Variants in ZNF664 observed in about 807,000 individuals in gnomAD.
ZNF664 encodes zinc finger Organ of Corti 1.
Under a neutral mutation model 18.2 loss-of-function variants are expected in ZNF664, and 10 were observed. The observed-to-expected ratio is 0.55, with a 90% CI of 0.34 to 0.93. The LOEUF is 0.93. ZNF664 is among the 40% of genes least tolerant of loss of function. The pLI, the probability that ZNF664 is intolerant of heterozygous loss-of-function variation, is 0.02. For missense variants in ZNF664, 193 were observed against 319.0 expected (o/e 0.61, Z 3.01); for synonymous variants, 119 against 104.2 (o/e 1.14, Z -0.86).
intron 3 of ZNF664, chr12:124,011,157 A>G (rs545576489): frequency 5.6e-4 from 158 of 283,022 alleles, no homozygotes; most frequent in African/African-American, 3.5e-3. Flanking sequence ...AAAGGCAGCA[A>G]TGTTGTACCT....
At chr12:124,002,859 TGA>T (rs375783957) in intron 3 of ZNF664, among the ~76,000 whole-genome samples, 3 of 151,856 alleles carry the variant, frequency 2.0e-5, no homozygotes, top group African/African-American at 7.3e-5. Context: ...ACGTGACTGG[TGA>T]GATTACTTAG....
At chr12:123,987,558 A>C (rs530017292) in intron 2 of ZNF664, among the ~76,000 whole-genome samples, 3 of 152,300 alleles carry the variant, frequency 2.0e-5, no homozygotes, top group South Asian at 2.1e-4. Flanking sequence ...TTAACCTCCT[A>C]GGTGAAGGTT....
chr12:123,992,954 CG>C (rs902984181), intron 3 of ZNF664, among the ~76,000 whole-genome samples: 14 of 152,082 alleles, frequency 9.2e-5, no homozygotes, highest in African/African-American at 3.4e-4. Flanking sequence ...TAACTGAACT[CG>C]GCCCAGAAAG....
chr12:124,002,809 G>A (rs188780912), intron 3 of ZNF664, among the ~76,000 whole-genome samples: 315 of 152,246 alleles, frequency 2.1e-3, no homozygotes, highest in Middle Eastern at 3.4e-3. Context: ...CAGGGCTAGA[G>A]ATAAAAATGG....
chr12:124,002,969 C>G (rs967775841), intron 3 of ZNF664, among the ~76,000 whole-genome samples: 1 of 152,102 alleles, frequency 6.6e-6, no homozygotes, highest in Non-Finnish European at 1.5e-5. Context: ...GTAAAAGGAA[C>G]AAGGAGTGGC....
intron 2 of ZNF664, among the ~76,000 whole-genome samples, chr12:123,983,242 A>G (rs954875468): frequency 1.5e-4 from 23 of 152,274 alleles, no homozygotes; most frequent in Non-Finnish European, 7.3e-5. Context: ...ACTCATTTGT[A>G]AGACACTGAA....
At chr12:123,975,421 TAAAA>T (rs79980583) in intron 2 of ZNF664, among the ~76,000 whole-genome samples, 3 of 138,664 alleles carry the variant, frequency 2.2e-5, no homozygotes, top group Admixed American at 7.2e-5. Context: ...TCCTCTTCAT[TAAAA>T]AAAAAAAAAA....
chr12:124,012,744 A>G lies in ZNF664; in HGVS notation c.600A>G (p.Arg200=). 3.7e-6 allele frequency: 6 copies of G among 1,612,292 alleles called. No individual in the cohort carries two copies. Among genetic ancestry groups the G allele is most frequent in the Non-Finnish European group, 5.1e-6 (6 of 1,179,124 alleles). The change falls in exon 5 of 5, where the codon AGA becomes AGG. Residue 200 remains arginine (R), a synonymous_variant. Coordinates refer to ENST00000337815, the MANE Select transcript of ZNF664 (RefSeq NM_152437.3). ...QRVHTGEKPY[R]CCGCGKAFSQ... is the part of the protein sequence containing the mutation. The stretch of plus-strand genomic sequence containing the variant: ...TCCACACTGGAGAGAAACCCTATAG[A>G]TGTTGTGGATGTGGGAAGGCCTTCA...
In ZNF664 at chr12:124,014,377, A is replaced by G. The variant is rs1003876559; in HGVS notation, c.*1447A>G. 6.0e-6 allele frequency: 1 copy of G among 167,134 alleles called. No homozygotes were observed. Among genetic ancestry groups the G allele is most frequent in the African/African-American group, 2.4e-5 (1 of 41,474 alleles). The allele number at this position is 167,134 out of a possible 1,614,324, so 10.4% of individuals were successfully genotyped here. On this transcript the variant is annotated 3_prime_UTR_variant, in exon 5 of 5. Coordinates refer to ENST00000337815, the MANE Select transcript of ZNF664 (RefSeq NM_152437.3). ...GAAGGGGAGAGATGCCGAGGTGGTC[A>G]GTATCCTGACTTTCAGAGGCCTTTT...
chr12:123,981,451 G>C (rs1408667573), intron 2 of ZNF664, among the ~76,000 whole-genome samples: 1 of 152,156 alleles, frequency 6.6e-6, no homozygotes, highest in East Asian at 1.9e-4. Context: ...AAAGAGATCT[G>C]AGACAGCATG....
In ZNF664 at chr12:124,014,693, G is replaced by A; in HGVS notation, c.*1763G>A. On this transcript the variant is annotated 3_prime_UTR_variant, in exon 5 of 5. Transcript: ENST00000337815. The stretch of plus-strand genomic sequence containing the variant: ...TACTCAAGATAGTCACGAAAATACT[G>A]AAAGTTTGATTTTTCTTTCCATATT... 6.0e-6 allele frequency: 1 copy of A among 167,024 alleles called. No individual in the cohort carries two copies. Among genetic ancestry groups the A allele is most frequent in the African/African-American group, 2.4e-5 (1 of 41,430 alleles). 10.3% of individuals were successfully genotyped at this position (167,024 alleles called of 1,614,324 possible). A position where few individuals can be genotyped will look rare whatever the true frequency, so the allele number is the denominator to read the frequency against.
rs1401838793 is a variant in ZNF664, at chr12:124,013,979, G to A, written c.*1049G>A. On this transcript the variant is annotated 3_prime_UTR_variant, in exon 5 of 5. Transcript: ENST00000337815. ...ATTCTTTTCTTCATTCAACAAATAT[G>A]TATTGAACACCTCCTATATGCCAGG... The A allele has an allele frequency of 1.2e-5, 2 of 167,054 alleles. No homozygotes were observed. Among genetic ancestry groups the A allele is most frequent in the African/African-American group, 2.4e-5 (1 of 41,440 alleles). 10.3% of individuals were successfully genotyped at this position (167,054 alleles called of 1,614,324 possible). A position where few individuals can be genotyped will look rare whatever the true frequency, so the allele number is the denominator to read the frequency against.
In ZNF664 at chr12:123,976,626, G is replaced by A. The variant is rs1024702932; in HGVS notation, c.-757+2606G>A. 6.6e-5 allele frequency among the ~76,000 whole-genome samples: 10 copies of A among 152,102 alleles called. No individual in the cohort carries two copies. In the South Asian group the frequency reaches 1.9e-3, roughly 29 times the overall value. On this transcript the variant is annotated intron_variant, in intron 2 of 4. Transcript: ENST00000337815. The stretch of plus-strand genomic sequence containing the variant: ...GTATCTTTAAACAGCCACTCTAGTC[G>A]TTGCATGCAAGATGTGGGGGCGTGT...
chr12:123,994,381 C>A (rs1245985212), intron 3 of ZNF664, among the ~76,000 whole-genome samples: 1 of 152,168 alleles, frequency 6.6e-6, no homozygotes. Context: ...AAGATACTTA[C>A]TAACTCATTT....
At chr12:124,007,110 A>G (rs925737807) in intron 3 of ZNF664, among the ~76,000 whole-genome samples, 2 of 152,116 alleles carry the variant, frequency 1.3e-5, no homozygotes, top group Non-Finnish European at 2.9e-5. Context: ...GGTCACGTGG[A>G]AAATTTGCCG....
At chr12:123,977,209 G>A (rs1004713022) in intron 2 of ZNF664, among the ~76,000 whole-genome samples, 7 of 152,134 alleles carry the variant, frequency 4.6e-5, no homozygotes, top group Non-Finnish European at 1.0e-4. Flanking sequence ...ATACTTAAAA[G>A]TATCAGAGAG....
intron 3 of ZNF664, among the ~76,000 whole-genome samples, chr12:124,006,849 G>A (rs552827188): frequency 1.4e-4 from 22 of 152,310 alleles, no homozygotes; most frequent in Non-Finnish European, 2.2e-4. Context: ...GGGACTTGCA[G>A]TCATGTGGGA....
chr12:124,011,813 C>A lies in ZNF664; in HGVS notation c.-332C>A. The A allele has an allele frequency of 8.9e-7, 1 of 1,125,198 alleles. No individual in the cohort carries two copies. Among genetic ancestry groups the A allele is most frequent in the South Asian group, 2.9e-5 (1 of 35,002 alleles). 69.7% of individuals were successfully genotyped at this position (1,125,198 alleles called of 1,614,324 possible). On this transcript the variant is annotated 5_prime_UTR_variant, in exon 5 of 5. Coordinates refer to ENST00000337815, the MANE Select transcript of ZNF664 (RefSeq NM_152437.3). ...GAGGAAGATTCCAGGGGCTCAAAAA[C>A]GCAAAGGTTTGCACTTTGAGAGCCC...
chr12:124,014,552 C>T lies in ZNF664; in HGVS notation c.*1622C>T, dbSNP rs898301796. ...CTCATTCCTGTTTTCATTGATTTCCCACATGTAGTCCTTTTGCTCAGGAAG... is the reference window on the plus strand; with the variant it reads ...CTCATTCCTGTTTTCATTGATTTCCTACATGTAGTCCTTTTGCTCAGGAAG... On this transcript the variant is annotated 3_prime_UTR_variant, in exon 5 of 5. Transcript: ENST00000337815. 1 of 167,028 alleles carries T rather than the reference C, an allele frequency of 6.0e-6. No homozygotes were observed. Among genetic ancestry groups the T allele is most frequent in the African/African-American group, 2.4e-5 (1 of 41,416 alleles). 10.3% of individuals were successfully genotyped at this position (167,028 alleles called of 1,614,324 possible).
Sources: allele counts gnomAD v4.1 joint callset (sites outside exome capture counted in the v4.1 genomes callset), GRCh38; gene constraint gnomAD v4.1.1; transcripts MANE v1.5; gene names NCBI Gene and HGNC (gene_info 2026-07-23, HGNC 2026-07-21).